The following LAX1 variants were observed in gnomAD, a reference collection of about 807,000 sequenced individuals.
LAX1 encodes lymphocyte transmembrane adaptor 1, also known as lymphocyte transmembrane adapter 1.
LAX1 carries 17 observed loss-of-function variants against 20.7 expected under a neutral mutation model. The ratio of observed to expected loss-of-function variants is 0.82; its 90% confidence interval spans 0.56 to 1.23. The LOEUF is 1.23. LAX1 is among the 50% of genes most tolerant of loss of function. The pLI is 0.00. For synonymous variants in LAX1, 165 were observed against 181.0 expected, an observed-to-expected ratio of 0.91 and a Z score of 0.71; for missense variants, 470 against 487.0, an observed-to-expected ratio of 0.97 and a Z score of 0.33.
intron 1 of LAX1, among the ~76,000 whole-genome samples, chr1:203,767,303 CTTTTTT>C (rs755164305): frequency 3.3e-5 from 3 of 90,450 alleles, no homozygotes; most frequent in Admixed American, 1.6e-4. Flanking sequence ...CTCTCCACTT[CTTTTTT>C]TTTTTTTTTT....
rs747562122 is a variant in LAX1, at chr1:203,774,219, T to G, written c.735T>G (p.Tyr245Ter). The change falls in exon 5 of 5, where the codon TAT (tyrosine) becomes TAG (stop). Residue 245 changes from tyrosine to a stop codon, truncating the protein, a stop_gained. Coordinates refer to ENST00000442561, the MANE Select transcript of LAX1 (RefSeq NM_017773.4). LOFTEE classifies it low-confidence loss of function (END_TRUNC). ...ATGCTGGTGACTGCACCAGTTTGTA[T>G]TCTCCAGGAGCTGAGGACAGTGATT... Reference protein sequence around the residue: ...CGDAGDCTSLYSPGAEDSDSL... With the variant: ...CGDAGDCTSL The G allele has an allele frequency of 6.2e-7, 1 of 1,614,168 alleles. No individual in the cohort carries two copies. The highest frequency in any genetic ancestry group is 8.5e-7 in the Non-Finnish European group (1 of 1,180,034).
exon 5 of LAX1, chr1:203,776,368 AAAAAAAC>A (rs1330981468): frequency 1.4e-5 from 2 of 138,228 alleles, no homozygotes; most frequent in Non-Finnish European, 3.2e-5. Context: ...AAAAAAAAAA[AAAAAAAC>A]TGTACACTAG....
Position 203,774,528 on chromosome 1 carries a change from T to C in LAX1, c.1044T>C (p.Phe348=). Residue 348 remains phenylalanine, a synonymous_variant, in exon 5 of 5, where the codon TTT becomes TTC. Coordinates refer to ENST00000442561, the MANE Select transcript of LAX1 (RefSeq NM_017773.4). ...TFLASGDYAD[F]QPFTQSEDSQ... is the part of the protein sequence containing the mutation. ...TTGCTTCAGGGGATTATGCAGACTT[T>C]CAGCCATTCACACAGAGTGAGGACA... The C allele has an allele frequency of 6.2e-7, 1 of 1,614,198 alleles. No homozygotes were observed. The highest frequency in any genetic ancestry group is 1.1e-5 in the South Asian group (1 of 91,082).
chr1:203,765,765 CTCGG>C, intron 1 of LAX1, 111 bp downstream of exon 1: 1 of 985,258 alleles, frequency 1.0e-6, no homozygotes, highest in Non-Finnish European at 1.6e-6. Context: ...AACACCCAGG[CTCGG>C]TCTACTAAAC....
intron 4 of LAX1, among the ~76,000 whole-genome samples, chr1:203,773,208 G>T (rs1667449777): frequency 6.6e-6 from 1 of 152,140 alleles, no homozygotes; most frequent in Admixed American, 6.5e-5. Context: ...GATATAGAAA[G>T]TGTTTGATCA....
intron 1 of LAX1, 126 bp downstream of exon 1, chr1:203,765,780 C>T: frequency 8.2e-6 from 7 of 854,698 alleles, no homozygotes; most frequent in Non-Finnish European, 9.5e-6. Flanking sequence ...TCTACTAAAC[C>T]ACCAAACTCT....
chr1:203,771,527 C>T (rs778739948), intron 3 of LAX1, 50 bp downstream of exon 3: 1 of 1,114,024 alleles, frequency 9.0e-7, no homozygotes, highest in Non-Finnish European at 1.4e-6. Flanking sequence ...AACTTCTACT[C>T]CCAGAATGTG....
chr1:203,769,773 C>CGGGGGGGG (rs1311215813), intron 1 of LAX1: 8 of 24,264 alleles, frequency 3.3e-4, no homozygotes, highest in Admixed American at 1.4e-3. Context: ...CAAATTGGTG[C>CGGGGGGGG]GGGGGGGGGG....
Position 203,773,996 on chromosome 1 carries a change from C to T in LAX1, c.512C>T (p.Ala171Val), listed in dbSNP as rs1667466350. The T allele has an allele frequency of 1.9e-6, 3 of 1,613,940 alleles. No homozygotes were observed. Among genetic ancestry groups the T allele is most frequent in the African/African-American group, 2.7e-5 (2 of 74,868 alleles). ...ATGTGTGGGAACCTCACTCCCTCGG[C>T]ACACTGCATCAATGTCAGAGCTTCC... ...PQMCGNLTPSAHCINVRASRD... is the reference protein window; with the variant it reads ...PQMCGNLTPSVHCINVRASRD... The change falls in exon 5 of 5, where the codon GCA becomes GTA. Residue 171 changes from alanine (A) to valine (V), a missense_variant. Physicochemically the swap from Ala to Val is moderately conservative, Grantham distance 64. Coordinates refer to ENST00000442561, the MANE Select transcript of LAX1 (RefSeq NM_017773.4).
At position 203,774,188 on chromosome 1, in the gene LAX1, G is replaced by A. The variant is rs1667470847; in HGVS notation, c.704G>A (p.Cys235Tyr). ...LEFTEERDEG[C>Y]GDAGDCTSLY... is the part of the protein sequence containing the mutation. Reference sequence around the variant, plus strand: ...TTTACTGAGGAAAGAGATGAGGGCTGTGGAGATGCTGGTGACTGCACCAGT... The same window carrying A: ...TTTACTGAGGAAAGAGATGAGGGCTATGGAGATGCTGGTGACTGCACCAGT... Residue 235 changes from cysteine to tyrosine, a missense_variant, in exon 5 of 5, where the codon TGT (cysteine) becomes TAT (tyrosine). Transcript: ENST00000442561. 2.5e-6 allele frequency: 4 copies of A among 1,614,204 alleles called. No homozygotes were observed. The South Asian group carries it at 4.4e-5, about 18-fold the overall frequency.
chr1:203,776,099 A>G lies in LAX1; in HGVS notation c.*1418A>G, dbSNP rs1054968614. The G allele has an allele frequency of 6.6e-6, 1 of 152,202 alleles. No homozygotes were observed. Among genetic ancestry groups the G allele is most frequent in the Non-Finnish European group, 1.5e-5 (1 of 68,058 alleles). 9.4% of individuals were successfully genotyped at this position (152,202 alleles called of 1,614,324 possible). On this transcript the variant is annotated 3_prime_UTR_variant, in exon 5 of 5. Coordinates refer to ENST00000442561, the MANE Select transcript of LAX1 (RefSeq NM_017773.4). ...TTGCGGGGCCGAGGCAGGGGAACAC[A>G]AGGTCAGGAGATCAAGACTGTCCTG... is the stretch of plus-strand genomic sequence containing the variant.
Position 203,774,690 on chromosome 1 carries a change from G to A in LAX1, c.*9G>A, listed in dbSNP as rs1424845888. 4 of 1,609,710 alleles carry A rather than the reference G, an allele frequency of 2.5e-6. No individual in the cohort carries two copies. The highest frequency in any genetic ancestry group is 3.4e-6 in the Non-Finnish European group (4 of 1,178,088). ...TCCTTCCTGATGAATGAAGACCCAG[G>A]TACCCAGCCATAAAGCCACATTGAG... On this transcript the variant is annotated 3_prime_UTR_variant, in exon 5 of 5. Transcript: ENST00000442561.
intron 1 of LAX1, among the ~76,000 whole-genome samples, chr1:203,767,495 TGGG>T (rs1257534728): frequency 6.9e-6 from 1 of 145,860 alleles, no homozygotes; most frequent in South Asian, 2.2e-4. Flanking sequence ...TTAGTAGAGT[TGGG>T]GGTTTCTCCA....
intron 1 of LAX1, among the ~76,000 whole-genome samples, chr1:203,770,481 GGA>G (rs1667392829): frequency 1.0e-4 from 6 of 58,996 alleles, no homozygotes; most frequent in East Asian, 2.1e-3. Flanking sequence ...AAGGAAGGAA[GGA>G]AGGAAGGAAG....
At chr1:203,771,658 C>G (rs897336584) in intron 3 of LAX1, among the ~76,000 whole-genome samples, 181 bp downstream of exon 3, 1 of 151,948 alleles carries the variant, frequency 6.6e-6, no homozygotes, top group Non-Finnish European at 1.5e-5. Context: ...CTGGAGGGCT[C>G]CAAAAAGGGA....
At chr1:203,768,406 C>T (rs964746742) in intron 1 of LAX1, among the ~76,000 whole-genome samples, 3 of 152,128 alleles carry the variant, frequency 2.0e-5, no homozygotes, top group Non-Finnish European at 2.9e-5. Context: ...CCATGGAAGA[C>T]GTGTCTGAGG....
intron 2 of LAX1, 107 bp from the exon 3 acceptor site, chr1:203,771,260 C>T (rs544797541): frequency 2.3e-5 from 18 of 790,096 alleles, no homozygotes; most frequent in African/African-American, 1.7e-5. Flanking sequence ...TTTGTGAGAA[C>T]TGGCAAGGAT....
chr1:203,766,409 C>T (rs901318206), intron 1 of LAX1, among the ~76,000 whole-genome samples: 2 of 152,124 alleles, frequency 1.3e-5, no homozygotes, highest in South Asian at 2.1e-4. Context: ...CACTTGAACC[C>T]GGGAAACAGA....
At position 203,775,360 on chromosome 1, in the gene LAX1, C is replaced by CTCCA. The variant is rs1667494166; in HGVS notation, c.*680_*683dup. On this transcript the variant is annotated 3_prime_UTR_variant, in exon 5 of 5. Transcript: ENST00000442561. ...AGCAAGCCGAGATTGTGCCACTGTA[C>CTCCA]TCCAGCCTGGTGACAGAGCGAGACT... 6.6e-6 allele frequency: 1 copy of CTCCA among 151,928 alleles called. No individual in the cohort carries two copies. Among genetic ancestry groups the CTCCA allele is most frequent in the African/African-American group, 2.4e-5 (1 of 41,272 alleles). The allele number at this position is 151,928 out of a possible 1,614,324, so 9.4% of individuals were successfully genotyped here.
Sources: allele counts gnomAD v4.1 joint callset (sites outside exome capture counted in the v4.1 genomes callset), GRCh38; gene constraint gnomAD v4.1.1; transcripts MANE v1.5; gene names NCBI Gene and HGNC (gene_info 2026-07-23, HGNC 2026-07-21).